NRXN1: variants seen among roughly 807,000 people sequenced by gnomAD.
NRXN1 encodes the protein neurexin 1.
Under a neutral mutation model 150.9 loss-of-function variants are expected in NRXN1, and 39 were observed. The ratio of observed to expected loss-of-function variants is 0.26; its 90% CI spans 0.20 to 0.34. The LOEUF (loss-of-function observed/expected upper bound fraction) is 0.34. NRXN1 is among the 10% of genes least tolerant of loss of function. NRXN1 has a pLI of 1.00. For synonymous variants in NRXN1, 924 were observed against 757.0 expected, an observed-to-expected ratio of 1.22 and a Z score of -3.62; for missense variants, 1,815 against 1,949.9, an observed-to-expected ratio of 0.93 and a Z score of 1.30.
At chr2:50,373,111 C>A (rs2080148276) in intron 17 of NRXN1, among the ~76,000 whole-genome samples, 1 of 151,868 alleles carries the variant, frequency 6.6e-6, no homozygotes, top group Non-Finnish European at 1.5e-5. Context: ...AACATCTCAA[C>A]AAGTATGAGT....
At chr2:50,743,074 A>G (rs1236640932) in intron 5 of NRXN1, among the ~76,000 whole-genome samples, 1 of 152,214 alleles carries the variant, frequency 6.6e-6, no homozygotes, top group Non-Finnish European at 1.5e-5. Flanking sequence ...CATTTTCACT[A>G]TAGAGAGATG....
At chr2:50,510,303 G>C (rs1016312320) in intron 12 of NRXN1, among the ~76,000 whole-genome samples, 6 of 151,550 alleles carry the variant, frequency 4.0e-5, no homozygotes, top group African/African-American at 1.5e-4. Flanking sequence ...CTGGCCAACA[G>C]GGTGAAACCC....
intron 1 of NRXN1, among the ~76,000 whole-genome samples, chr2:51,031,135 C>T (rs950246135): frequency 4.6e-5 from 7 of 151,726 alleles, no homozygotes; most frequent in East Asian, 1.9e-4. Flanking sequence ...TGTATGTGAG[C>T]GAGTATCTGT....
chr2:50,479,212 A>G (rs1297039682), intron 15 of NRXN1, among the ~76,000 whole-genome samples: 2 of 152,154 alleles, frequency 1.3e-5, no homozygotes, highest in African/African-American at 4.8e-5. Context: ...CCACAGTCCG[A>G]CCTTTAGTCA....
intron 21 of NRXN1, among the ~76,000 whole-genome samples, chr2:49,998,355 G>A (rs1183038682): frequency 6.6e-6 from 1 of 152,106 alleles, no homozygotes; most frequent in Non-Finnish European, 1.5e-5. Flanking sequence ...TAATGCCCAT[G>A]TATATACACA....
chr2:50,355,418 T>C (rs1352543314), intron 17 of NRXN1, among the ~76,000 whole-genome samples: 2 of 151,958 alleles, frequency 1.3e-5, no homozygotes, highest in Admixed American at 1.3e-4. Context: ...TTCTGTAGCA[T>C]GTTATATTAA....
intron 17 of NRXN1, among the ~76,000 whole-genome samples, chr2:50,272,935 G>T (rs928920882): frequency 1.3e-5 from 2 of 151,876 alleles, no homozygotes; most frequent in African/African-American, 2.4e-5. Context: ...CAACCAATAA[G>T]ATAAAACCCA....
chr2:50,418,138 G>C (rs556657518), intron 17 of NRXN1, among the ~76,000 whole-genome samples: 6 of 152,106 alleles, frequency 3.9e-5, no homozygotes, highest in Admixed American at 3.3e-4. Flanking sequence ...TTGTACTTGA[G>C]AGTTATTTAG....
At chr2:49,929,691 G>A (rs1045394572) in intron 22 of NRXN1, among the ~76,000 whole-genome samples, 3 of 152,004 alleles carry the variant, frequency 2.0e-5, no homozygotes, top group African/African-American at 4.8e-5. Flanking sequence ...CTTATTTCTC[G>A]AAGCTTGGCT....
chr2:50,014,397 C>G (rs563954508), intron 21 of NRXN1, among the ~76,000 whole-genome samples: 5 of 152,142 alleles, frequency 3.3e-5, no homozygotes, highest in African/African-American at 1.2e-4. Context: ...AACCATGATG[C>G]AATTGACATT....
chr2:50,184,951 C>T (rs964968537), intron 18 of NRXN1, among the ~76,000 whole-genome samples: 1 of 152,078 alleles, frequency 6.6e-6, no homozygotes, highest in Admixed American at 6.6e-5. Flanking sequence ...GTTCCAAAAG[C>T]CTTCCTCTTT....
chr2:50,363,455 A>G (rs2079364918), intron 17 of NRXN1, among the ~76,000 whole-genome samples: 1 of 152,250 alleles, frequency 6.6e-6, no homozygotes, highest in African/African-American at 2.4e-5. Context: ...ACTTTTCAAA[A>G]GAAGACATTT....
chr2:50,788,431 C>T (rs893550628), intron 5 of NRXN1, among the ~76,000 whole-genome samples: 1 of 152,078 alleles, frequency 6.6e-6, no homozygotes, highest in African/African-American at 2.4e-5. Flanking sequence ...TCTGTTGAGA[C>T]TGCATCAATG....
chr2:50,937,813 G>A (rs868480928), intron 2 of NRXN1, among the ~76,000 whole-genome samples: 2 of 152,194 alleles, frequency 1.3e-5, no homozygotes, highest in South Asian at 4.1e-4. Context: ...TGCTAATAAA[G>A]TCATGCATGC....
At chr2:50,236,130 A>G (rs2065394680) in intron 18 of NRXN1, among the ~76,000 whole-genome samples, 1 of 152,074 alleles carries the variant, frequency 6.6e-6, no homozygotes, top group Non-Finnish European at 1.5e-5. Flanking sequence ...ATTCATGACT[A>G]TTCTTTGCTA....
At chr2:50,318,367 G>A (rs150907458) in intron 17 of NRXN1, among the ~76,000 whole-genome samples, 69 of 152,228 alleles carry the variant, frequency 4.5e-4, no homozygotes, top group African/African-American at 1.6e-3. Context: ...TGAATGGTAA[G>A]TAATTTTACT....
intron 5 of NRXN1, among the ~76,000 whole-genome samples, chr2:50,666,879 ATGTGTGTG>A (rs34096569): frequency 9.3e-6 from 1 of 107,866 alleles, no homozygotes; most frequent in Non-Finnish European, 1.9e-5. Flanking sequence ...GATGATGATG[ATGTGTGTG>A]TGTGTGTGTG....
At chr2:50,118,215 G>A (rs1006354431) in intron 18 of NRXN1, among the ~76,000 whole-genome samples, 4 of 152,088 alleles carry the variant, frequency 2.6e-5, no homozygotes, top group Admixed American at 6.6e-5. Flanking sequence ...ATGTCTTCTG[G>A]GAATCTTGTA....
intron 8 of NRXN1, among the ~76,000 whole-genome samples, chr2:50,555,628 A>G (rs1269254760): frequency 6.6e-6 from 1 of 152,210 alleles, no homozygotes; most frequent in Non-Finnish European, 1.5e-5. Context: ...TGCTCAATAA[A>G]TATTTGTTTA....
Sources: allele counts gnomAD v4.1 joint callset (sites outside exome capture counted in the v4.1 genomes callset), GRCh38; gene constraint gnomAD v4.1.1; transcripts MANE v1.5; gene names NCBI Gene and HGNC (gene_info 2026-07-23, HGNC 2026-07-21).